The following TACC1 variants were observed in gnomAD, a reference collection of about 807,000 sequenced individuals.
The protein encoded by TACC1 is transforming acidic coiled-coil containing protein 1, also known as transforming acidic coiled-coil-containing protein 1.
In TACC1, 48 loss-of-function variants were observed where a neutral mutation model predicts 84.4. The ratio of observed to expected loss-of-function variants is 0.57; its 90% CI spans 0.45 to 0.72. The LOEUF is 0.72. TACC1 is among the 30% of genes least tolerant of loss of function. The pLI is 0.00. For missense variants in TACC1, 920 were observed against 973.0 expected, an observed-to-expected ratio of 0.95 and a Z score of 0.72; for synonymous variants, 372 against 376.3, an observed-to-expected ratio of 0.99 and a Z score of 0.13.
At chr8:38,816,566 T>C (rs909073649) in intron 2 of TACC1, among the ~76,000 whole-genome samples, 3 of 151,922 alleles carry the variant, frequency 2.0e-5, no homozygotes, top group Admixed American at 6.6e-5. Flanking sequence ...TAACTCCTCT[T>C]CTCAGTTTCA....
At chr8:38,793,406 G>T (rs568141141) in intron 2 of TACC1, among the ~76,000 whole-genome samples, 2 of 152,002 alleles carry the variant, frequency 1.3e-5, no homozygotes, top group Non-Finnish European at 2.9e-5. Flanking sequence ...ATTTTTTGAT[G>T]GTTTAATGGT....
intron 3 of TACC1, among the ~76,000 whole-genome samples, chr8:38,775,438 C>T (rs1047135035): frequency 1.3e-5 from 2 of 152,068 alleles, no homozygotes; most frequent in Admixed American, 1.3e-4. Flanking sequence ...GTTTATAAAC[C>T]AGTCATTTAT....
intron 1 of TACC1, among the ~76,000 whole-genome samples, chr8:38,740,513 G>C (rs922822867): frequency 6.6e-6 from 1 of 152,192 alleles, no homozygotes; most frequent in Non-Finnish European, 1.5e-5. Flanking sequence ...AGTGGTTACA[G>C]TATCCATAGC....
At chr8:38,745,563 A>G (rs11782157) in intron 3 of TACC1, 102 of 662,662 alleles carry the variant, frequency 1.5e-4, no homozygotes, top group Non-Finnish European at 1.8e-4. Flanking sequence ...TTGTTTTTTG[A>G]GATGGAATCT....
chr8:38,821,399 CA>C (rs1382720077), intron 3 of TACC1, among the ~76,000 whole-genome samples: 1 of 152,124 alleles, frequency 6.6e-6, no homozygotes, highest in African/African-American at 2.4e-5. Context: ...GGAAATGATC[CA>C]AAAGGGTCTT....
intron 3 of TACC1, among the ~76,000 whole-genome samples, chr8:38,822,347 T>G (rs545874925): frequency 6.6e-6 from 1 of 150,522 alleles, no homozygotes; most frequent in East Asian, 1.9e-4. Context: ...AGTAAAAATA[T>G]AGTATAAAAG....
At chr8:38,811,431 T>C (rs1249976460) in intron 2 of TACC1, among the ~76,000 whole-genome samples, 1 of 152,122 alleles carries the variant, frequency 6.6e-6, no homozygotes, top group East Asian at 1.9e-4. Context: ...GCATAACTTC[T>C]CCTCCTGTTG....
intron 3 of TACC1, among the ~76,000 whole-genome samples, chr8:38,755,353 G>T (rs1031231943): frequency 6.6e-6 from 1 of 152,080 alleles, no homozygotes; most frequent in Non-Finnish European, 1.5e-5. Flanking sequence ...AATAGTTATT[G>T]TATATAAAAC....
In TACC1 at chr8:38,846,690, C is replaced by T; in HGVS notation, c.2229-9C>T. ...TTGTCTCTTTATTACACCCAAACAC[C>T]ATAAACAGAGCCAATGAAGAGATTG... is the stretch of plus-strand genomic sequence containing the variant. On this transcript the variant is annotated splice_polypyrimidine_tract_variant and intron_variant, in intron 11 of 12. Transcript: ENST00000317827. The T allele has an allele frequency of 1.2e-6, 2 of 1,613,998 alleles. No homozygotes were observed. The highest frequency in any genetic ancestry group is 1.7e-6 in the Non-Finnish European group (2 of 1,179,986).
intron 3 of TACC1, among the ~76,000 whole-genome samples, chr8:38,781,529 G>A (rs1196520137): frequency 1.3e-5 from 2 of 151,922 alleles, no homozygotes; most frequent in South Asian, 2.1e-4. Context: ...TGACAGGTGC[G>A]TGCCACATGC....
intron 9 of TACC1, chr8:38,840,510 C>T: frequency 3.0e-6 from 1 of 330,704 alleles, no homozygotes; most frequent in Non-Finnish European, 5.6e-6. Context: ...CTGACATAAT[C>T]ACCTCCCAAA....
chr8:38,825,426 T>C (rs1274682294), intron 4 of TACC1, 58 bp downstream of exon 4: 2 of 1,589,196 alleles, frequency 1.3e-6, no homozygotes, highest in African/African-American at 1.3e-5. Flanking sequence ...CAGTGGGAGT[T>C]TGCATCCCCC....
chr8:38,742,744 T>G (rs758196040), intron 2 of TACC1, among the ~76,000 whole-genome samples: 2 of 152,212 alleles, frequency 1.3e-5, no homozygotes, highest in Non-Finnish European at 2.9e-5. Context: ...AGACAGAGTT[T>G]CACTCTGTCA....
At chr8:38,749,811 C>T (rs1052863262) in intron 3 of TACC1, among the ~76,000 whole-genome samples, 7 of 152,054 alleles carry the variant, frequency 4.6e-5, no homozygotes, top group East Asian at 1.9e-4. Flanking sequence ...AAGCTGGTCT[C>T]GAACGCCTGA....
intron 3 of TACC1, among the ~76,000 whole-genome samples, chr8:38,747,789 T>G (rs1280493209): frequency 6.6e-6 from 1 of 152,226 alleles, no homozygotes; most frequent in African/African-American, 2.4e-5. Context: ...CATAAATACA[T>G]TAGACATTTG....
intron 2 of TACC1, among the ~76,000 whole-genome samples, chr8:38,815,366 C>T (rs2152155114): frequency 6.6e-6 from 1 of 152,230 alleles, no homozygotes; most frequent in South Asian, 2.1e-4. Flanking sequence ...GCAGTGGAAC[C>T]TTTTCCTCAA....
chr8:38,788,746 C>T lies in TACC1; in HGVS notation c.204C>T (p.Thr68=). The change falls in exon 2 of 13, where the codon ACC becomes ACT. Residue 68 remains threonine, a synonymous_variant. Transcript: ENST00000317827. ...EGNFETPEAE[T]PIRSPFKESC... ...ATTTTGAGACTCCTGAAGCTGAAAC[C>T]CCGATCCGATCACCTTTCAAGGAGT... The T allele has an allele frequency of 1.2e-6, 2 of 1,614,020 alleles. No homozygotes were observed. Among genetic ancestry groups the T allele is most frequent in the Non-Finnish European group, 1.7e-6 (2 of 1,179,988 alleles).
At chr8:38,826,689 T>A (rs1245522383) in intron 4 of TACC1, among the ~76,000 whole-genome samples, 1 of 152,210 alleles carries the variant, frequency 6.6e-6, no homozygotes, top group Non-Finnish European at 1.5e-5. Context: ...AGGAACTTGT[T>A]CATTTAAATT....
intron 11 of TACC1, 90 bp downstream of exon 11, chr8:38,843,485 G>T (rs953792227): frequency 4.5e-6 from 4 of 893,400 alleles, no homozygotes; most frequent in South Asian, 2.0e-5. Flanking sequence ...GCAACTCCAG[G>T]TTGTATTTTT....
Sources: gnomAD v4.1 joint callset for allele counts (sites outside exome capture counted in the v4.1 genomes callset) on GRCh38, gnomAD v4.1.1 for gene constraint, MANE v1.5 for transcripts, NCBI Gene and HGNC (gene_info 2026-07-23, HGNC 2026-07-21) for gene names.